The following RAP1A variants were observed in gnomAD, a reference collection of about 807,000 sequenced individuals.
RAP1A encodes the protein RAP1A, member of RAS oncogene family.
In RAP1A, 6 loss-of-function variants were observed where a neutral mutation model predicts 26.4. That is an observed-to-expected ratio of 0.23 (90% CI 0.12 to 0.45). The LOEUF is 0.45. Ranked by LOEUF, RAP1A falls within the 20% of genes least tolerant of loss-of-function variation. The probability of loss-of-function intolerance (pLI) is 0.99; values close to 1 mark genes in which losing one functional copy is unlikely to be tolerated. For synonymous variants in RAP1A, 73 were observed against 79.4 expected, an observed-to-expected ratio of 0.92 and a Z score of 0.43; for missense variants, 121 against 217.2, an observed-to-expected ratio of 0.56 and a Z score of 2.78.
chr1:111,681,859 C>G (rs182491450), intron 1 of RAP1A, among the ~76,000 whole-genome samples: 1 of 152,150 alleles, frequency 6.6e-6, no homozygotes, highest in Non-Finnish European at 1.5e-5. Flanking sequence ...CACTAAGATA[C>G]TCCTCAAGAA....
chr1:111,660,710 C>G (rs1571539027), intron 1 of RAP1A, among the ~76,000 whole-genome samples: 1 of 152,166 alleles, frequency 6.6e-6, no homozygotes, highest in Non-Finnish European at 1.5e-5. Flanking sequence ...CCAGTGGCTT[C>G]CCACGCATAC....
intron 1 of RAP1A, among the ~76,000 whole-genome samples, chr1:111,633,904 C>T (rs1659647636): frequency 6.6e-6 from 1 of 152,208 alleles, no homozygotes; most frequent in Non-Finnish European, 1.5e-5. Context: ...AGATGTGTCA[C>T]CACTCAGTGC....
At chr1:111,631,467 T>G (rs1268053153) in intron 1 of RAP1A, among the ~76,000 whole-genome samples, 4 of 152,236 alleles carry the variant, frequency 2.6e-5, no homozygotes, top group Non-Finnish European at 5.9e-5. Flanking sequence ...ACAGTAAATC[T>G]ACAAAGTAGA....
chr1:111,579,795 T>C (rs1186136813), intron 1 of RAP1A, among the ~76,000 whole-genome samples: 1 of 88,082 alleles, frequency 1.1e-5, no homozygotes, highest in African/African-American at 2.9e-5. Context: ...TCTCCATTTA[T>C]TTATTTATTT....
At chr1:111,646,499 A>G (rs1660072359) in intron 1 of RAP1A, among the ~76,000 whole-genome samples, 1 of 151,804 alleles carries the variant, frequency 6.6e-6, no homozygotes, top group African/African-American at 2.4e-5. Context: ...AGGGAATAAG[A>G]ATGAATGAAT....
chr1:111,574,851 GT>G (rs1015506228), intron 1 of RAP1A, among the ~76,000 whole-genome samples: 4 of 152,188 alleles, frequency 2.6e-5, no homozygotes, highest in African/African-American at 9.7e-5. Flanking sequence ...CTGCTATACT[GT>G]TTTTTTGAAT....
At chr1:111,634,251 C>G (rs984851400) in intron 1 of RAP1A, among the ~76,000 whole-genome samples, 1 of 152,112 alleles carries the variant, frequency 6.6e-6, no homozygotes, top group Non-Finnish European at 1.5e-5. Flanking sequence ...TCTTCCCTCC[C>G]TGGTTAATTT....
intron 3 of RAP1A, among the ~76,000 whole-genome samples, chr1:111,695,793 T>A (rs1292686939): frequency 2.0e-5 from 3 of 152,226 alleles, no homozygotes; most frequent in African/African-American, 7.2e-5. Flanking sequence ...TTTATAAGTT[T>A]AAAGATATCT....
chr1:111,672,719 T>G (rs1364898921), intron 1 of RAP1A, among the ~76,000 whole-genome samples: 1 of 152,208 alleles, frequency 6.6e-6, no homozygotes, highest in Non-Finnish European at 1.5e-5. Flanking sequence ...GTTGGCTGGA[T>G]TTTGTTCATT....
rs1387644276 is a variant in RAP1A, at chr1:111,714,046, A to C, written c.*1645A>C. The stretch of plus-strand genomic sequence containing the variant: ...CAGGCATGTGGTCAGCCTGTCACTT[A>C]CTAAACTGAAATTTTAAAATCAGGT... On this transcript the variant is annotated 3_prime_UTR_variant, in exon 8 of 8. Coordinates refer to ENST00000369709, the MANE Select transcript of RAP1A (RefSeq NM_002884.4). The C allele has an allele frequency of 6.6e-6, 1 of 152,246 alleles. No individual in the cohort carries two copies. The highest frequency in any genetic ancestry group is 6.5e-5 in the Admixed American group (1 of 15,282). The allele number at this position is 152,246 out of a possible 1,614,324, so 9.4% of individuals were successfully genotyped here. A position where few individuals can be genotyped will look rare whatever the true frequency, so the allele number is the denominator to read the frequency against.
chr1:111,565,119 G>C (rs1007973892), intron 1 of RAP1A, among the ~76,000 whole-genome samples: 1 of 152,152 alleles, frequency 6.6e-6, no homozygotes, highest in African/African-American at 2.4e-5. Flanking sequence ...TCCAGGCACA[G>C]AGAACATAAT....
intron 1 of RAP1A, among the ~76,000 whole-genome samples, chr1:111,638,437 C>CT (rs1659788488): frequency 6.6e-6 from 1 of 151,922 alleles, no homozygotes; most frequent in South Asian, 2.1e-4. Flanking sequence ...TTCTTTCTTT[C>CT]TTTCTTTTCT....
chr1:111,697,458 C>G lies in RAP1A; in HGVS notation c.144C>G (p.Cys48Trp), dbSNP rs765162038. Residue 48 changes from cysteine (C) to tryptophan (W), a missense_variant, in exon 4 of 8, where the codon TGC becomes TGG. Transcript: ENST00000369709. ...CCCCACAGCAAGTTGAAGTCGATTG[C>G]CAACAGTGTATGCTCGAAATCCTGG... ...DSYRKQVEVD[C>W]QQCMLEILDT... The G allele has an allele frequency of 3.7e-6, 6 of 1,612,084 alleles. No homozygotes were observed. The highest frequency in any genetic ancestry group is 5.1e-6 in the Non-Finnish European group (6 of 1,179,410).
At chr1:111,605,125 C>G (rs1658745673) in intron 1 of RAP1A, among the ~76,000 whole-genome samples, 1 of 152,152 alleles carries the variant, frequency 6.6e-6, no homozygotes, top group Non-Finnish European at 1.5e-5. Flanking sequence ...AGACCCAAAC[C>G]CAGACTATGC....
rs1200577341 is a variant in RAP1A, at chr1:111,716,140, T to C, written c.*3739T>C. The C allele has an allele frequency of 1.3e-5, 2 of 152,208 alleles. No individual in the cohort carries two copies. The highest frequency in any genetic ancestry group is 4.8e-5 in the African/African-American group (2 of 41,456). 9.4% of individuals were successfully genotyped at this position (152,208 alleles called of 1,614,324 possible). ...TTGTACTTATTTAAGGTGCTAAATA[T>C]GTGTTAAAATATCCCCTCTTGAATC... is the stretch of plus-strand genomic sequence containing the variant. On this transcript the variant is annotated 3_prime_UTR_variant, in exon 8 of 8. Transcript: ENST00000369709.
intron 1 of RAP1A, among the ~76,000 whole-genome samples, chr1:111,596,686 T>A (rs1195166849): frequency 2.0e-5 from 3 of 152,230 alleles, no homozygotes; most frequent in Non-Finnish European, 2.9e-5. Flanking sequence ...CTGAGAGATG[T>A]GGTGGCTGGC....
intron 1 of RAP1A, among the ~76,000 whole-genome samples, chr1:111,634,437 C>T (rs867079740): frequency 2.0e-5 from 3 of 151,110 alleles, no homozygotes; most frequent in African/African-American, 4.9e-5. Flanking sequence ...AAATATATAT[C>T]TATTCATATG....
intron 1 of RAP1A, among the ~76,000 whole-genome samples, chr1:111,553,502 G>A (rs1657356832): frequency 6.6e-6 from 1 of 152,204 alleles, no homozygotes; most frequent in South Asian, 2.1e-4. Context: ...TACATGCAGA[G>A]TAAAATCTCC....
chr1:111,710,524 C>G (rs1662343907), intron 7 of RAP1A, among the ~76,000 whole-genome samples: 1 of 152,206 alleles, frequency 6.6e-6, no homozygotes, highest in Non-Finnish European at 1.5e-5. Context: ...TAAACTTGGT[C>G]TCCAGTTGGA....
Sources: gnomAD v4.1 joint callset for allele counts (sites outside exome capture counted in the v4.1 genomes callset) on GRCh38, gnomAD v4.1.1 for gene constraint, MANE v1.5 for transcripts, NCBI Gene and HGNC (gene_info 2026-07-23, HGNC 2026-07-21) for gene names.